Variants in POM121 observed in about 807,000 individuals in gnomAD.
POM121 encodes the protein nuclear envelope pore membrane protein POM 121.
Under a neutral mutation model 81.3 loss-of-function variants are expected in POM121, and 32 were observed. The observed-to-expected ratio is 0.39, with a 90% CI of 0.30 to 0.53. POM121 has a LOEUF of 0.53. POM121 is among the 20% of genes least tolerant of loss of function. The probability of loss-of-function intolerance (pLI) is 0.66; values close to 1 mark genes in which losing one functional copy is unlikely to be tolerated. For synonymous variants in POM121, 514 were observed against 694.2 expected (o/e 0.74, Z 4.08); for missense variants, 1,138 against 1,614.6 (o/e 0.70, Z 5.06).
At chr7:72,894,718 G>C (rs1554491458) in intron 3 of POM121, among the ~76,000 whole-genome samples, 2 of 151,010 alleles carry the variant, frequency 1.3e-5, no homozygotes, top group Non-Finnish European at 2.9e-5. Flanking sequence ...GAGTGCGGAG[G>C]TGCTATCATG....
intron 4 of POM121, among the ~76,000 whole-genome samples, chr7:72,916,318 T>G (rs1344448681): frequency 6.6e-6 from 1 of 152,242 alleles, no homozygotes; most frequent in Admixed American, 6.5e-5. Flanking sequence ...TACATTTAAG[T>G]CTTTAATCCA....
upstream of POM121, among the ~76,000 whole-genome samples, chr7:72,922,556 G>GTTTT (rs797044356): frequency 7.1e-6 from 1 of 140,082 alleles, no homozygotes; most frequent in Non-Finnish European, 1.6e-5. Context: ...AAATTTTTGT[G>GTTTT]TTTTTTTTTT....
intron 2 of POM121, chr7:72,890,810 T>C (rs1182459022): frequency 6.5e-7 from 1 of 1,536,746 alleles, no homozygotes; most frequent in African/African-American, 1.4e-5. Flanking sequence ...ATGCTTGAGT[T>C]TGAAGAAATA....
chr7:72,900,515 T>A (rs1197654932), intron 3 of POM121, among the ~76,000 whole-genome samples: 1 of 152,208 alleles, frequency 6.6e-6, no homozygotes, highest in Non-Finnish European at 1.5e-5. Flanking sequence ...TTTTAATTTT[T>A]ATTTTTTGAG....
At position 72,925,130 on chromosome 7, in the gene POM121, G is replaced by T; in HGVS notation, c.9G>T (p.Pro3=). 1 of 1,432,530 alleles carries T rather than the reference G, an allele frequency of 7.0e-7. No homozygotes were observed. Among genetic ancestry groups the T allele is most frequent in the Non-Finnish European group, 9.0e-7 (1 of 1,106,282 alleles). 88.7% of individuals were successfully genotyped at this position (1,432,530 alleles called of 1,614,324 possible). MS[P]AAAAAGAGER... ...CGCGGCGCGGAGCCGCGATGTCTCC[G>T]GCGGCTGCGGCGGCTGGAGCAGGCG... is the stretch of plus-strand genomic sequence containing the variant. Residue 3 remains proline, a synonymous_variant, in exon 1 of 13, where the codon CCG becomes CCT. Transcript: ENST00000434423.
intron 3 of POM121, among the ~76,000 whole-genome samples, chr7:72,897,107 G>A (rs1326929541): frequency 6.6e-6 from 1 of 151,994 alleles, no homozygotes; most frequent in East Asian, 1.9e-4. Flanking sequence ...AGCCGAGATC[G>A]TGCCACTGTA....
chr7:72,886,294 C>T lies in POM121; in HGVS notation c.-520-4333C>T, dbSNP rs543460219. Among the ~76,000 whole-genome samples, 104 of 152,260 alleles carry T rather than the reference C, an allele frequency of 6.8e-4. 1 individual carries two copies. Among genetic ancestry groups the T allele is most frequent in the Admixed American group, 5.1e-3 (78 of 15,286 alleles). ...GTTCAAGTGATTCTCCTGCCTCAGCCTCCTGGGTAGCTGGGATTACAGACA... is the reference window on the plus strand; with the variant it reads ...GTTCAAGTGATTCTCCTGCCTCAGCTTCCTGGGTAGCTGGGATTACAGACA... On this transcript the variant is annotated intron_variant, in intron 1 of 15. Transcript: ENST00000395270.
chr7:72,914,964 A>AT (rs1554494893), intron 4 of POM121, among the ~76,000 whole-genome samples: 3 of 151,956 alleles, frequency 2.0e-5, no homozygotes, highest in Non-Finnish European at 4.4e-5. Flanking sequence ...TTTCTGCCAC[A>AT]TTTTTTACTT....
At chr7:72,880,926 T>C (rs1345873362) in intron 1 of POM121, among the ~76,000 whole-genome samples, 1 of 2,512 alleles carries the variant, frequency 4.0e-4, no homozygotes, top group Non-Finnish European at 5.3e-4. Flanking sequence ...ATAATGGGAA[T>C]TTTTTTTTCT....
chr7:72,927,072 C>T lies in POM121; in HGVS notation c.1022+109C>T, dbSNP rs1470259576. 3.4e-5 allele frequency: 52 copies of T among 1,543,960 alleles called. 1 individual carries two copies. Among genetic ancestry groups the T allele is most frequent in the South Asian group, 2.6e-4 (22 of 86,006 alleles). Reference sequence around the variant, plus strand: ...AGGCCATCTCCAGTTTATGAGCCTTCGTAGGCCCCCTTCTTTGGCTTACAT... The same window carrying T: ...AGGCCATCTCCAGTTTATGAGCCTTTGTAGGCCCCCTTCTTTGGCTTACAT... On this transcript the variant is annotated intron_variant, in intron 3 of 12. Coordinates refer to ENST00000434423, the MANE Select transcript of POM121 (RefSeq NM_001387691.1).
At chr7:72,902,799 G>T (rs529041213) in intron 3 of POM121, among the ~76,000 whole-genome samples, 1 of 152,238 alleles carries the variant, frequency 6.6e-6, no homozygotes, top group South Asian at 2.1e-4. Context: ...CAAAGTGCTG[G>T]AATTACAGGC....
chr7:72,938,490 T>G, intron 5 of POM121, 100 bp from the exon 6 acceptor site: 2 of 1,359,276 alleles, frequency 1.5e-6, no homozygotes, highest in Non-Finnish European at 2.1e-6. Flanking sequence ...CATTTAACCA[T>G]AAAGAATGTT....
At chr7:72,918,334 C>T (rs1554495428) in intron 4 of POM121, among the ~76,000 whole-genome samples, 1 of 152,182 alleles carries the variant, frequency 6.6e-6, no homozygotes, top group African/African-American at 2.4e-5. Flanking sequence ...TGCCTGGCAA[C>T]AGGCGTCTTC....
intron 3 of POM121, among the ~76,000 whole-genome samples, chr7:72,895,793 C>T (rs1554491656): frequency 6.6e-6 from 1 of 151,752 alleles, no homozygotes. Flanking sequence ...CCTGTAATCC[C>T]AGCTACTCCA....
intron 3 of POM121, among the ~76,000 whole-genome samples, chr7:72,892,689 G>C (rs1400956411): frequency 1.4e-5 from 2 of 146,450 alleles, no homozygotes. Context: ...TTTTGAGATA[G>C]TGTCTCGCTC....
chr7:72,916,274 G>T (rs1458490647), intron 4 of POM121, among the ~76,000 whole-genome samples: 1 of 152,154 alleles, frequency 6.6e-6, no homozygotes, highest in Non-Finnish European at 1.5e-5. Context: ...GTATTGCCTA[G>T]GTTTTCTTCT....
At position 72,925,574 on chromosome 7, in the gene POM121, C is replaced by G. The variant is rs782284172; in HGVS notation, c.453C>G (p.Ala151=). The G allele has an allele frequency of 2.4e-5, 36 of 1,531,552 alleles. No homozygotes were observed. Among genetic ancestry groups the G allele is most frequent in the Middle Eastern group, 2.3e-4 (1 of 4,356 alleles). The allele number at this position is 1,531,552 out of a possible 1,614,324, so 94.9% of individuals were successfully genotyped here. The change falls in exon 1 of 13, where the codon GCC becomes GCG. Residue 151 remains alanine, a synonymous_variant. Coordinates refer to ENST00000434423, the MANE Select transcript of POM121 (RefSeq NM_001387691.1). ...AGCCCGGGCCGCCGCAGCCCGCCGC[C>G]GCTCCGGAGGGCCAGGACCTGCGGG... The part of the protein sequence containing the change: ...LGKPGPPQPA[A]APEGQDLRDR...
chr7:72,925,000 C>T (rs1795209737), upstream of POM121: 16 of 1,324,564 alleles, frequency 1.2e-5, no homozygotes, highest in Admixed American at 4.2e-5. Flanking sequence ...GGGTCTCGGG[C>T]GCTGCCGGGC....
chr7:72,884,542 A>G (rs1399550307), intron 1 of POM121, among the ~76,000 whole-genome samples: 2 of 54,896 alleles, frequency 3.6e-5, no homozygotes, highest in African/African-American at 1.6e-4. Context: ...TAGCAAATAT[A>G]TACATATAAT....
Sources: gnomAD v4.1 joint callset for allele counts (sites outside exome capture counted in the v4.1 genomes callset) on GRCh38, gnomAD v4.1.1 for gene constraint, MANE v1.5 for transcripts, NCBI Gene and HGNC (gene_info 2026-07-23, HGNC 2026-07-21) for gene names.